KRT74: variants seen among roughly 807,000 people sequenced by gnomAD.
KRT74 encodes the protein keratin 74.
KRT74 carries 43 observed loss-of-function variants against 42.7 expected under a neutral mutation model. The ratio of observed to expected loss-of-function variants is 1.01; its 90% CI spans 0.79 to 1.30. KRT74 has a LOEUF of 1.30. KRT74 is among the 50% of genes most tolerant of loss of function. The pLI, the probability that KRT74 is intolerant of heterozygous loss-of-function variation, is 0.00. For synonymous variants in KRT74, 302 were observed against 279.0 expected (o/e 1.08, Z -0.82); for missense variants, 736 against 689.1 (o/e 1.07, Z -0.76).
chr12:52,571,235 G>A, intron 4 of KRT74, 124 bp downstream of exon 4: 1 of 736,560 alleles, frequency 1.4e-6, no homozygotes, highest in Non-Finnish European at 2.4e-6. Context: ...TCCTGGTGCA[G>A]GGTTTTGTAC....
intron 7 of KRT74, 49 bp downstream of exon 7, chr12:52,568,120 G>A: frequency 6.2e-7 from 1 of 1,607,590 alleles, no homozygotes; most frequent in Non-Finnish European, 8.5e-7. Context: ...CAGCCAGACA[G>A]GAGCCACACC....
chr12:52,572,847 C>T lies in KRT74; in HGVS notation c.472-180G>A, dbSNP rs375896560. On this transcript the variant is annotated intron_variant, in intron 1 of 8. Coordinates refer to ENST00000305620, the MANE Select transcript of KRT74 (RefSeq NM_175053.4). The stretch of plus-strand genomic sequence containing the variant: ...CCTTTACAAGTGCTCATTTCCTAGC[C>T]TTCTGGACAAGGCATCACTGAGAAC... Among the ~76,000 whole-genome samples the T allele has an allele frequency of 4.6e-5, 7 of 152,298 alleles. No homozygotes were observed. The East Asian group carries it at 1.3e-3, about 29-fold the overall frequency.
Position 52,573,462 on chromosome 12 carries a change from C to T in KRT74, c.316G>A (p.Val106Met), listed in dbSNP as rs746152341. 2 of 1,614,204 alleles carry T rather than the reference C, an allele frequency of 1.2e-6. No homozygotes were observed. Among genetic ancestry groups the T allele is most frequent in the South Asian group, 2.2e-5 (2 of 91,082 alleles). Residue 106 changes from valine (V) to methionine (M), a missense_variant, in exon 1 of 9, where the codon GTG (valine) becomes ATG (methionine). By Grantham distance (21) the Val-to-Met change is conservative. Coordinates refer to ENST00000305620, the MANE Select transcript of KRT74 (RefSeq NM_175053.4). ...TGGTGGATGCCCCCAGGTGGGCACA[C>T]AGACAAACATGCAGGCCCCAGGGCC... is the stretch of plus-strand genomic sequence containing the variant. ...SVALGPACLS[V>M]CPPGGIHQVT...
Position 52,573,669 on chromosome 12 carries a change from C to T in KRT74, c.109G>A (p.Ala37Thr). 6.2e-7 allele frequency: 1 copy of T among 1,614,216 alleles called. No homozygotes were observed. Among genetic ancestry groups the T allele is most frequent in the Non-Finnish European group, 8.5e-7 (1 of 1,180,046 alleles). The change falls in exon 1 of 9, where the codon GCT becomes ACT. Residue 37 changes from alanine to threonine, a missense_variant. Physicochemically the swap from Ala to Thr is moderately conservative, Grantham distance 58 (BLOSUM62 0). Coordinates refer to ENST00000305620, the MANE Select transcript of KRT74 (RefSeq NM_175053.4). ...AAGCCAGCGCCAGCCCCTCTGCCAG[C>T]TGCACAGTAAGAAGCCAGGCTACCC... ...AVGSLASYCA[A>T]GRGAGAGFGS...
rs766708865 is a variant in KRT74, at chr12:52,573,315, T to C, written c.463A>G (p.Ile155Val). 5 of 1,613,974 alleles carry C rather than the reference T, an allele frequency of 3.1e-6. No individual in the cohort carries two copies. In the African/African-American group the frequency reaches 5.3e-5, roughly 17 times the overall value. The change falls in exon 1 of 9, where the codon ATT (isoleucine) becomes GTT (valine). Residue 155 changes from isoleucine to valine, a missense_variant. Coordinates refer to ENST00000305620, the MANE Select transcript of KRT74 (RefSeq NM_175053.4). ...KVLNDKFASF[I>V]DKVRFLEQQN... Reference sequence around the variant, plus strand: ...CCTCCTATGAGACCCACCTTGTCAATGAAGGAGGCGAACTTGTCGTTCAGC... The same window carrying C: ...CCTCCTATGAGACCCACCTTGTCAACGAAGGAGGCGAACTTGTCGTTCAGC...
chr12:52,570,845 G>A lies in KRT74; in HGVS notation c.844-12C>T. The A allele has an allele frequency of 6.2e-7, 1 of 1,614,230 alleles. No individual in the cohort carries two copies. Among genetic ancestry groups the A allele is most frequent in the Non-Finnish European group, 8.5e-7 (1 of 1,180,028 alleles). On this transcript the variant is annotated splice_polypyrimidine_tract_variant and intron_variant, in intron 4 of 8. Coordinates refer to ENST00000305620, the MANE Select transcript of KRT74 (RefSeq NM_175053.4). ...ATCTGAGCGATCTCCTGCATTGAGA[G>A]AGGAAGACAGATTCAGCAACCCCCT...
intron 6 of KRT74, chr12:52,569,489 C>G: frequency 1.6e-6 from 1 of 611,512 alleles, no homozygotes; most frequent in Non-Finnish European, 2.9e-6. Flanking sequence ...AGAGGGGGCA[C>G]CCAAAGGGGA....
rs1242680921 is a variant in KRT74, at chr12:52,571,408, A to C, written c.794T>G (p.Val265Gly). ...CTTGATTTCTTTGTCCAGTGAGTCC[A>C]CTTTGGCCTGAAGCTCCACCTTGAC... ...YAVKVELQAK[V>G]DSLDKEIKFL... is the part of the protein sequence containing the mutation. Residue 265 changes from valine to glycine, a missense_variant, in exon 4 of 9, where the codon GTG (valine) becomes GGG (glycine). Coordinates refer to ENST00000305620, the MANE Select transcript of KRT74 (RefSeq NM_175053.4). 1 of 1,613,968 alleles carries C rather than the reference A, an allele frequency of 6.2e-7. No homozygotes were observed. Among genetic ancestry groups the C allele is most frequent in the Non-Finnish European group, 8.5e-7 (1 of 1,179,876 alleles).
At chr12:52,567,247 A>G in intron 8 of KRT74, 79 bp from the exon 9 acceptor site, 7 of 1,256,082 alleles carry the variant, frequency 5.6e-6, no homozygotes, top group Non-Finnish European at 7.6e-6. Flanking sequence ...GCTGTCCCCA[A>G]GGGCTTCTCC....
intron 8 of KRT74, 50 bp from the exon 9 acceptor site, chr12:52,567,218 G>T: frequency 6.9e-7 from 1 of 1,453,670 alleles, no homozygotes; most frequent in South Asian, 1.4e-5. Context: ...TCAATCAGCA[G>T]ATAACAGCTA....
intron 1 of KRT74, 106 bp downstream of exon 1, chr12:52,573,201 A>G: frequency 1.8e-6 from 2 of 1,125,512 alleles, no homozygotes; most frequent in Non-Finnish European, 2.7e-6. Context: ...GCCCTTCCTG[A>G]GGCCCAGCTG....
At chr12:52,573,090 C>T (rs140444776) in intron 1 of KRT74, among the ~76,000 whole-genome samples, 2,110 of 152,304 alleles carry the variant, frequency 0.014, 18 homozygotes, top group Middle Eastern at 0.027. Context: ...TACCCAGCTT[C>T]CCATCCTTCC....
chr12:52,570,839 T>C lies in KRT74; in HGVS notation c.844-6A>G, dbSNP rs767359811. 3.7e-6 allele frequency: 6 copies of C among 1,614,156 alleles called. No homozygotes were observed. Among genetic ancestry groups the C allele is most frequent in the Non-Finnish European group, 5.1e-6 (6 of 1,180,002 alleles). The stretch of plus-strand genomic sequence containing the variant: ...GTCTGGATCTGAGCGATCTCCTGCA[T>C]TGAGAGAGGAAGACAGATTCAGCAA... On this transcript the variant is annotated splice_polypyrimidine_tract_variant and splice_region_variant and intron_variant, in intron 4 of 8. Transcript: ENST00000305620.
At chr12:52,567,569 T>C (rs1462967313) in intron 8 of KRT74, 90 bp downstream of exon 8, 1 of 955,352 alleles carries the variant, frequency 1.0e-6, no homozygotes, top group African/African-American at 1.6e-5. Context: ...CAGAAGCTTC[T>C]TGGGAGGTGA....
At chr12:52,571,805 T>G in intron 3 of KRT74, 139 bp downstream of exon 3, 1 of 771,174 alleles carries the variant, frequency 1.3e-6, no homozygotes, top group Non-Finnish European at 2.4e-6. Flanking sequence ...AGGCCAGGAC[T>G]ATGACTCCAC....
rs748307363 is a variant in KRT74, at chr12:52,571,974, T to C, written c.717A>G (p.Thr239=). 5.6e-6 allele frequency: 9 copies of C among 1,598,242 alleles called. No homozygotes were observed. Among genetic ancestry groups the C allele is most frequent in the Non-Finnish European group, 6.9e-6 (8 of 1,165,900 alleles). The change falls in exon 3 of 9, where the codon ACA becomes ACG. Residue 239 remains threonine, a synonymous_variant. Coordinates refer to ENST00000305620, the MANE Select transcript of KRT74 (RefSeq NM_175053.4). ...TAAGCACCACAAACTCATTCTCTGCTGTCGTGCGCCGGTTAATCTCCACTT... is the reference window on the plus strand; with the variant it reads ...TAAGCACCACAAACTCATTCTCTGCCGTCGTGCGCCGGTTAATCTCCACTT... ...RYEVEINRRT[T]AENEFVVLKK... is the part of the protein sequence containing the mutation.
At chr12:52,568,460 A>G in intron 6 of KRT74, 71 bp from the exon 7 acceptor site, 5 of 1,525,696 alleles carry the variant, frequency 3.3e-6, no homozygotes, top group Non-Finnish European at 4.5e-6. Context: ...TAAGTAGAAC[A>G]ATGCCCTCAT....
intron 1 of KRT74, 127 bp from the exon 2 acceptor site, chr12:52,572,794 C>T: frequency 1.2e-6 from 1 of 825,430 alleles, no homozygotes; most frequent in African/African-American, 1.7e-5. Context: ...CTTGACTCTC[C>T]ACCCTTGCCA....
Position 52,572,451 on chromosome 12 carries a change from ACCTCTTCTTATAGTCCT to A in KRT74, c.671_686+1del, listed in dbSNP as rs766680353. On this transcript the variant is annotated splice_donor_variant and coding_sequence_variant, in exon 2 of 9. Coordinates refer to ENST00000305620, the MANE Select transcript of KRT74 (RefSeq NM_175053.4). LOFTEE classifies it high-confidence loss of function. ...TGTGACCCTCGGGTGGAGCCTGCTC[ACCTCTTCTTATAGTCCT>A]CCACCAGATCCCTCATGCTTCTCAG... 5 of 1,613,710 alleles carry A rather than the reference ACCTCTTCTTATAGTCCT, an allele frequency of 3.1e-6. No individual in the cohort carries two copies. In the African/African-American group the frequency reaches 6.7e-5, roughly 22 times the overall value.
Sources: allele counts gnomAD v4.1 joint callset (sites outside exome capture counted in the v4.1 genomes callset), GRCh38; gene constraint gnomAD v4.1.1; transcripts MANE v1.5; gene names NCBI Gene and HGNC (gene_info 2026-07-23, HGNC 2026-07-21).